ARHGAP6: variants seen among roughly 807,000 people sequenced by gnomAD.
The protein encoded by ARHGAP6 is rho GTPase-activating protein 6.
Under a neutral mutation model 55.7 loss-of-function variants are expected in ARHGAP6, and 16 were observed. That is an observed-to-expected ratio of 0.29 (90% CI 0.19 to 0.44). The LOEUF (loss-of-function observed/expected upper bound fraction) is 0.44, where lower values mean the gene tolerates loss of function less well. Among genes scored for constraint, ARHGAP6 ranks in the 20% least tolerant of loss-of-function variants. The pLI, the probability that ARHGAP6 is intolerant of heterozygous loss-of-function variation, is 1.00. For synonymous variants in ARHGAP6, 382 were observed against 360.9 expected, an observed-to-expected ratio of 1.06 and a Z score of -0.66; for missense variants, 698 against 808.9, an observed-to-expected ratio of 0.86 and a Z score of 1.66.
At chrX:11,173,604 A>C (rs2147314721) in intron 8 of ARHGAP6, among the ~76,000 whole-genome samples, 1 of 112,547 alleles carries the variant, frequency 8.9e-6, no homozygotes, top group Admixed American at 9.4e-5. Context: ...ACTAAACAAA[A>C]TAGAAGAAAA....
intron 1 of ARHGAP6, among the ~76,000 whole-genome samples, chrX:11,578,732 T>C (rs1295959752): frequency 9.0e-6 from 1 of 111,600 alleles, no homozygotes; most frequent in Non-Finnish European, 1.9e-5. Context: ...TTTGCACACG[T>C]ATGTTTATTG....
intron 2 of ARHGAP6, among the ~76,000 whole-genome samples, chrX:11,244,569 T>C (rs2047328408): frequency 8.9e-6 from 1 of 112,301 alleles, no homozygotes; most frequent in African/African-American, 3.2e-5. Flanking sequence ...CACTCAGCAT[T>C]AAATTTCAAC....
chrX:11,558,836 C>CAAAAAAAAAAAAAAA (rs58936931), intron 1 of ARHGAP6, among the ~76,000 whole-genome samples: 2 of 30,070 alleles, frequency 6.7e-5, no homozygotes, highest in Non-Finnish European at 1.1e-4. Flanking sequence ...GATTCCATCT[C>CAAAAAAAAAAAAAAA]AAAAAAAAAA....
chrX:11,188,759 G>C lies in ARHGAP6; in HGVS notation c.1046C>G (p.Thr349Ser). Residue 349 changes from threonine to serine, a missense_variant, in exon 4 of 13, where the codon ACC becomes AGC. Thr to Ser is a moderately conservative substitution (Grantham distance 58, BLOSUM62 1). Transcript: ENST00000337414. ...CCTAGCCCGAGGAGCCGGTTCCGGG[G>C]TGTTTGGGGACGTTGACTCATTCGG... is the stretch of plus-strand genomic sequence containing the variant. ...ETPNESTSPN[T>S]PEPAPRARRR... The C allele has an allele frequency of 2.5e-6, 3 of 1,212,064 alleles. No individual in the cohort carries two copies. Among genetic ancestry groups the C allele is most frequent in the South Asian group, 1.8e-5 (1 of 56,973 alleles).
chrX:11,213,306 G>A (rs1039837272), intron 2 of ARHGAP6, among the ~76,000 whole-genome samples: 2 of 112,621 alleles, frequency 1.8e-5, no homozygotes, highest in African/African-American at 6.5e-5. Flanking sequence ...GTGCTTTTAT[G>A]TTTTATCTAA....
intron 1 of ARHGAP6, among the ~76,000 whole-genome samples, chrX:11,354,333 A>C (rs775449131): frequency 0.011 from 866 of 75,641 alleles, 6 homozygotes; most frequent in African/African-American, 0.021. Context: ...CTCTCTATAT[A>C]TATATATATA....
intron 1 of ARHGAP6, among the ~76,000 whole-genome samples, chrX:11,518,489 G>A (rs750482507): frequency 1.7e-5 from 1 of 59,414 alleles, no homozygotes; most frequent in South Asian, 8.2e-4. Flanking sequence ...TTGACCTACT[G>A]TCTTTCTTGG....
intron 2 of ARHGAP6, among the ~76,000 whole-genome samples, chrX:11,248,991 G>A (rs1360161639): frequency 3.6e-5 from 4 of 111,711 alleles, no homozygotes; most frequent in African/African-American, 9.8e-5. Context: ...CACACAATTC[G>A]CAACTGCAAA....
chrX:11,240,506 C>T (rs1255341350), intron 2 of ARHGAP6, among the ~76,000 whole-genome samples: 1 of 111,357 alleles, frequency 9.0e-6, no homozygotes, highest in Non-Finnish European at 1.9e-5. Context: ...TATTCTCTGC[C>T]CAGGGATGTT....
At chrX:11,520,155 A>G (rs1242780041) in intron 1 of ARHGAP6, among the ~76,000 whole-genome samples, 1 of 72,450 alleles carries the variant, frequency 1.4e-5, no homozygotes, top group Admixed American at 1.5e-4. Flanking sequence ...ATATATATAT[A>G]TATATATATA....
intron 1 of ARHGAP6, among the ~76,000 whole-genome samples, chrX:11,640,536 A>G (rs1231485599): frequency 8.9e-6 from 1 of 111,897 alleles, no homozygotes; most frequent in Non-Finnish European, 1.9e-5. Context: ...AAACACAGAT[A>G]AGAAAATAAG....
intron 1 of ARHGAP6, among the ~76,000 whole-genome samples, chrX:11,345,924 C>T (rs781414692): frequency 2.7e-5 from 3 of 110,583 alleles, no homozygotes; most frequent in South Asian, 7.7e-4. Context: ...GCAATGGGGA[C>T]ATTTTACACA....
intron 1 of ARHGAP6, among the ~76,000 whole-genome samples, chrX:11,547,913 C>A (rs2051227086): frequency 9.0e-6 from 1 of 111,371 alleles, no homozygotes; most frequent in Non-Finnish European, 1.9e-5. Context: ...TATCTGAGAA[C>A]CTGAGCTGAT....
intron 1 of ARHGAP6, among the ~76,000 whole-genome samples, chrX:11,335,512 G>A (rs1220102476): frequency 9.0e-6 from 1 of 111,451 alleles, no homozygotes; most frequent in Non-Finnish European, 1.9e-5. Context: ...GAGAATGATG[G>A]TTTCCAGCTT....
intron 1 of ARHGAP6, among the ~76,000 whole-genome samples, chrX:11,453,252 ATATATATAG>A (rs1237021071): frequency 5.0e-5 from 5 of 100,462 alleles, no homozygotes; most frequent in African/African-American, 1.8e-4. Flanking sequence ...TATACATAAT[ATATATATAG>A]TATATATAGC....
chrX:11,644,005 C>G (rs2052502301), intron 1 of ARHGAP6, among the ~76,000 whole-genome samples: 1 of 112,003 alleles, frequency 8.9e-6, no homozygotes, highest in African/African-American at 3.2e-5. Context: ...GCAAAATTAA[C>G]TATCCATTGT....
chrX:11,525,204 C>G (rs1032294279), intron 1 of ARHGAP6, among the ~76,000 whole-genome samples: 1 of 111,899 alleles, frequency 8.9e-6, no homozygotes, highest in Non-Finnish European at 1.9e-5. Flanking sequence ...ATGCCACTAG[C>G]ATCTTCCCTG....
chrX:11,639,582 T>C (rs1414306239), intron 1 of ARHGAP6, among the ~76,000 whole-genome samples: 1 of 111,451 alleles, frequency 9.0e-6, no homozygotes, highest in Non-Finnish European at 1.9e-5. Flanking sequence ...ATGGTGTATA[T>C]GTGCCACAAA....
chrX:11,382,414 A>G (rs1197735098), intron 1 of ARHGAP6, among the ~76,000 whole-genome samples: 3 of 111,395 alleles, frequency 2.7e-5, no homozygotes, highest in African/African-American at 9.8e-5. Context: ...CTCAGATACA[A>G]TTCCACAGAG....
Sources: gnomAD v4.1 joint callset for allele counts (sites outside exome capture counted in the v4.1 genomes callset) on GRCh38, gnomAD v4.1.1 for gene constraint, MANE v1.5 for transcripts, NCBI Gene and HGNC (gene_info 2026-07-23, HGNC 2026-07-21) for gene names.